Variants in AUTS2 observed in about 807,000 individuals in gnomAD.
The protein encoded by AUTS2 is autism susceptibility gene 2 protein.
In AUTS2, 17 loss-of-function variants were observed where a neutral mutation model predicts 112.4. The ratio of observed to expected loss-of-function variants is 0.15; its 90% CI spans 0.10 to 0.23. The LOEUF is 0.23. Ranked by LOEUF, AUTS2 falls within the 10% of genes least tolerant of loss-of-function variation. The pLI, the probability that AUTS2 is intolerant of heterozygous loss-of-function variation, is 1.00. For missense variants in AUTS2, 1,510 were observed against 1,701.6 expected (o/e 0.89, Z 1.98); for synonymous variants, 751 against 702.7 (o/e 1.07, Z -1.09).
chr7:70,264,268 C>T (rs943566307), intron 4 of AUTS2, among the ~76,000 whole-genome samples: 1 of 152,186 alleles, frequency 6.6e-6, no homozygotes, highest in Admixed American at 6.5e-5. Context: ...AGTACAGTGG[C>T]ACGATCTTGG....
chr7:70,273,482 T>TATTATC (rs1323494893), intron 4 of AUTS2, among the ~76,000 whole-genome samples: 17 of 151,876 alleles, frequency 1.1e-4, no homozygotes, highest in African/African-American at 3.9e-4. Context: ...TTATTATTAT[T>TATTATC]ATTATTATTA....
intron 1 of AUTS2, among the ~76,000 whole-genome samples, chr7:69,743,821 G>A (rs546453021): frequency 2.6e-5 from 4 of 152,174 alleles, no homozygotes; most frequent in African/African-American, 9.6e-5. Context: ...TTTTGAGATA[G>A]GATCTTGCTC....
chr7:70,453,151 C>T (rs1796598655), intron 5 of AUTS2, among the ~76,000 whole-genome samples: 1 of 152,196 alleles, frequency 6.6e-6, no homozygotes, highest in South Asian at 2.1e-4. Context: ...AGGATAAGGG[C>T]ACCATGGGTC....
At position 70,587,944 on chromosome 7, in the gene AUTS2, CCACACCCTCACACT is replaced by C. The variant is rs147312030; in HGVS notation, c.691-110624_691-110611del. ...TGGAATTTGAACAAGGTACTCCCCT[CCACACCCTCACACT>C]GAACTGCCGCCGCACAGTGCTGTCT... On this transcript the variant is annotated intron_variant, in intron 5 of 18. Coordinates refer to ENST00000342771, the MANE Select transcript of AUTS2 (RefSeq NM_015570.4). Among the ~76,000 whole-genome samples the C allele has an allele frequency of 2.1e-3, 323 of 152,314 alleles. 2 individuals are homozygous for C. Among genetic ancestry groups the C allele is most frequent in the Middle Eastern group, 0.014 (4 of 294 alleles).
Position 70,005,149 on chromosome 7 carries a change from A to G in AUTS2, c.522+105651A>G, listed in dbSNP as rs1041511880. ...TTTGAAATATTTTTTTTTTAAGATT[A>G]CACAGCTAAATGGAATTCTCTAGGA... On this transcript the variant is annotated intron_variant, in intron 2 of 18. Transcript: ENST00000342771. 2.6e-5 allele frequency among the ~76,000 whole-genome samples: 4 copies of G among 151,984 alleles called. 1 individual carries two copies. The highest frequency in any genetic ancestry group is 4.4e-5 in the Non-Finnish European group (3 of 67,998).
In AUTS2 at chr7:70,517,508, T is replaced by C. The variant is rs1263961524; in HGVS notation, c.690+81727T>C. On this transcript the variant is annotated intron_variant, in intron 5 of 18. Transcript: ENST00000342771. ...CTAGAGTTCAGTGTTTTGGGGCAAA[T>C]TGTATATACACATATATACAAATTG... Among the ~76,000 whole-genome samples the C allele has an allele frequency of 2.7e-5, 4 of 147,290 alleles. No homozygotes were observed. The East Asian group carries it at 7.8e-4, about 29-fold the overall frequency.
intron 2 of AUTS2, among the ~76,000 whole-genome samples, chr7:70,025,777 C>CTTT (rs34107096): frequency 0.029 from 3,715 of 126,554 alleles, 77 homozygotes; most frequent in South Asian, 0.046. Flanking sequence ...TTTTACTAAG[C>CTTT]TTTTTTTTTT....
At chr7:69,810,367 A>G (rs1790495810) in intron 1 of AUTS2, among the ~76,000 whole-genome samples, 2 of 152,312 alleles carry the variant, frequency 1.3e-5, no homozygotes, top group Middle Eastern at 3.4e-3. Context: ...AACTGTGATC[A>G]TATTTAAAAT....
chr7:69,846,568 A>G (rs944817194), intron 1 of AUTS2, among the ~76,000 whole-genome samples: 29 of 152,144 alleles, frequency 1.9e-4, no homozygotes, highest in Non-Finnish European at 3.8e-4. Context: ...TAATCCCCAC[A>G]GCAACTTTCT....
intron 4 of AUTS2, among the ~76,000 whole-genome samples, chr7:70,183,363 C>T (rs1306792929): frequency 1.3e-5 from 2 of 152,132 alleles, no homozygotes; most frequent in African/African-American, 2.4e-5. Flanking sequence ...AGGGTAATTA[C>T]GCTAGCATTG....
intron 5 of AUTS2, among the ~76,000 whole-genome samples, chr7:70,470,287 A>T (rs1407263524): frequency 6.6e-6 from 1 of 152,156 alleles, no homozygotes; most frequent in Non-Finnish European, 1.5e-5. Context: ...GCCCCAACCA[A>T]CAGAGAAAGG....
At chr7:69,690,364 T>C (rs1475270174) in intron 1 of AUTS2, among the ~76,000 whole-genome samples, 1 of 152,216 alleles carries the variant, frequency 6.6e-6, no homozygotes, top group Non-Finnish European at 1.5e-5. Context: ...GAAACCTCTG[T>C]GGCCTATGGT....
At chr7:69,623,381 A>ATTT (rs56204810) in intron 1 of AUTS2, among the ~76,000 whole-genome samples, 31,989 of 71,358 alleles carry the variant, frequency 0.45, 7,863 homozygotes, top group East Asian at 0.5. Context: ...ACGCCCAGCA[A>ATTT]TTTTTTTTTT....
At chr7:70,380,797 T>C (rs1220354254) in intron 4 of AUTS2, among the ~76,000 whole-genome samples, 1 of 152,234 alleles carries the variant, frequency 6.6e-6, no homozygotes, top group African/African-American at 2.4e-5. Context: ...GTCAGCTGAA[T>C]GGTGTTTGGC....
intron 2 of AUTS2, among the ~76,000 whole-genome samples, chr7:69,955,831 T>G (rs551074645): frequency 5.3e-5 from 8 of 152,238 alleles, no homozygotes; most frequent in African/African-American, 1.9e-4. Flanking sequence ...CACATTCAGG[T>G]GCATCTGCCA....
chr7:70,671,556 A>G (rs1331660698), intron 5 of AUTS2, among the ~76,000 whole-genome samples: 3 of 152,340 alleles, frequency 2.0e-5, no homozygotes, highest in Admixed American at 2.0e-4. Context: ...CTCTTTCCCT[A>G]TTCCCCTGCA....
At chr7:70,604,688 A>C (rs75375278) in intron 5 of AUTS2, among the ~76,000 whole-genome samples, 4,093 of 152,306 alleles carry the variant, frequency 0.027, 126 homozygotes, top group East Asian at 0.095. Context: ...CTCTGCTGAC[A>C]GAGAAGCTAT....
chr7:70,425,558 G>A (rs1279717316), intron 4 of AUTS2, among the ~76,000 whole-genome samples: 1 of 152,192 alleles, frequency 6.6e-6, no homozygotes, highest in African/African-American at 2.4e-5. Context: ...GAGGGAGGGA[G>A]GAGGAATCCA....
At chr7:69,682,948 G>C (rs938527713) in intron 1 of AUTS2, among the ~76,000 whole-genome samples, 1 of 152,182 alleles carries the variant, frequency 6.6e-6, no homozygotes, top group Non-Finnish European at 1.5e-5. Flanking sequence ...CTCTGGTCTC[G>C]TGCTGAGAAA....
Sources: allele counts gnomAD v4.1 joint callset (sites outside exome capture counted in the v4.1 genomes callset), GRCh38; gene constraint gnomAD v4.1.1; transcripts MANE v1.5; gene names NCBI Gene and HGNC (gene_info 2026-07-23, HGNC 2026-07-21).